Variants in AIF1L observed in about 807,000 individuals in gnomAD.
The protein encoded by AIF1L is allograft inflammatory factor 1 like.
A neutral mutation model predicts 20.7 loss-of-function variants in AIF1L; 12 were observed. The observed-to-expected ratio is 0.58, with a 90% CI of 0.37 to 0.94. AIF1L has a LOEUF of 0.94. AIF1L is among the 40% of genes least tolerant of loss of function. The probability of loss-of-function intolerance (pLI) is 0.01; values close to 1 mark genes in which losing one functional copy is unlikely to be tolerated. For missense variants in AIF1L, 173 were observed against 185.3 expected (o/e 0.93, Z 0.39); for synonymous variants, 76 against 65.1 (o/e 1.17, Z -0.81).
rs746698091 is a variant in AIF1L at position 131,115,449 on chromosome 9, C to CAAAA, written c.202+853_202+856dup. Among the ~76,000 whole-genome samples the CAAAA allele has an allele frequency of 2.2e-3, 132 of 60,300 alleles. 3 individuals carry two copies. The highest frequency in any genetic ancestry group is 6.7e-3 in the African/African-American group (95 of 14,212). 39.6% of individuals were successfully genotyped at this position (60,300 alleles called of 152,430 possible). A position where few individuals can be genotyped will look rare whatever the true frequency, so the allele number is the denominator to read the frequency against. ...TGGGTGACAGAGCGAGATTCTGTCT[C>CAAAA]AAAAAAAAAAAAAAAAAAAAAAAAA... On this transcript the variant is annotated intron_variant, in intron 4 of 5. Transcript: ENST00000247291.
Position 131,120,411 on chromosome 9 carries a change from C to CCTG in AIF1L, c.*89_*90insCTG. ...TTGACACACTGTGATCTCTCTCTCT[C>CCTG]TCATTTGTTTGGTCATTGAGGGTTT... is the stretch of plus-strand genomic sequence containing the variant. On this transcript the variant is annotated 3_prime_UTR_variant, in exon 6 of 6. Coordinates refer to ENST00000247291, the MANE Select transcript of AIF1L (RefSeq NM_031426.4). The CCTG allele has an allele frequency of 9.2e-7, 1 of 1,087,372 alleles. No homozygotes were observed. Among genetic ancestry groups the CCTG allele is most frequent in the Non-Finnish European group, 1.3e-6 (1 of 757,906 alleles). The allele number at this position is 1,087,372 out of a possible 1,614,324, so 67.4% of individuals were successfully genotyped here.
chr9:131,114,468 T>C (rs1378036956), intron 3 of AIF1L, 109 bp from the exon 4 acceptor site: 2 of 1,238,044 alleles, frequency 1.6e-6, no homozygotes, highest in Non-Finnish European at 2.4e-6. Flanking sequence ...GTGCGGGAGG[T>C]GGTTCAGACT....
At position 131,121,072 on chromosome 9, in the gene AIF1L, T is replaced by TG. The variant is rs1396161641; in HGVS notation, c.*750_*751insG. 1.4e-6 allele frequency: 1 copy of TG among 694,548 alleles called. No individual in the cohort carries two copies. Among genetic ancestry groups the TG allele is most frequent in the African/African-American group, 2.0e-5 (1 of 49,512 alleles). The allele number at this position is 694,548 out of a possible 1,614,324, so 43.0% of individuals were successfully genotyped here. A position where few individuals can be genotyped will look rare whatever the true frequency, so the allele number is the denominator to read the frequency against. On this transcript the variant is annotated 3_prime_UTR_variant, in exon 6 of 6. Transcript: ENST00000247291. Reference sequence around the variant, plus strand: ...GGAGGCAGAAGTGAGGCCTGGGGTTTTGGGGGAAAGGTCAGCTCAGTGCTG... The same window carrying TG: ...GGAGGCAGAAGTGAGGCCTGGGGTTTGTGGGGGAAAGGTCAGCTCAGTGCTG...
chr9:131,111,049 G>A lies in AIF1L; in HGVS notation c.94-548G>A, dbSNP rs1196084596. Reference sequence around the variant, plus strand: ...AAATTAGCTGGGCATGGTGGCAGGCGCCTGTAATCCCAGCTACTGGGGAGG... The same window carrying A: ...AAATTAGCTGGGCATGGTGGCAGGCACCTGTAATCCCAGCTACTGGGGAGG... On this transcript the variant is annotated intron_variant, in intron 2 of 5. Coordinates refer to ENST00000247291, the MANE Select transcript of AIF1L (RefSeq NM_031426.4). Among the ~76,000 whole-genome samples, 10 of 151,892 alleles carry A rather than the reference G, an allele frequency of 6.6e-5. No individual in the cohort carries two copies. The South Asian group carries it at 8.3e-4, about 13-fold the overall frequency.
chr9:131,106,350 G>A, intron 2 of AIF1L: 2 of 1,008,716 alleles, frequency 2.0e-6, no homozygotes, highest in East Asian at 5.2e-5. Flanking sequence ...CTACATTCTA[G>A]CCGGGGAGGC....
intron 2 of AIF1L, 60 bp from the exon 3 acceptor site, chr9:131,111,537 C>T: frequency 6.7e-7 from 1 of 1,500,472 alleles, no homozygotes; most frequent in Admixed American, 1.7e-5. Context: ...ACAGTGGGCC[C>T]ATGTGTGGGT....
intron 5 of AIF1L, 98 bp from the exon 6 acceptor site, chr9:131,120,137 C>T: frequency 1.7e-6 from 2 of 1,145,212 alleles, no homozygotes; most frequent in Non-Finnish European, 2.5e-6. Context: ...CTGTTGAGGA[C>T]CCTGCTGACA....
intron 2 of AIF1L, among the ~76,000 whole-genome samples, chr9:131,108,381 G>T (rs1024959749): frequency 6.6e-6 from 1 of 151,904 alleles, no homozygotes; most frequent in Non-Finnish European, 1.5e-5. Flanking sequence ...TGGACTTTTA[G>T]TAGAGACAGG....
At chr9:131,097,461 C>G (rs552526732) in intron 2 of AIF1L, among the ~76,000 whole-genome samples, 8 of 151,834 alleles carry the variant, frequency 5.3e-5, no homozygotes, top group East Asian at 3.9e-4. Context: ...GGCACTTCCC[C>G]GTGGTCTCCA....
intron 1 of AIF1L, 48 bp from the exon 2 acceptor site, chr9:131,096,754 G>A (rs1226809885): frequency 4.0e-6 from 6 of 1,500,448 alleles, no homozygotes; most frequent in Admixed American, 4.6e-5. Flanking sequence ...GGGGGCGCGT[G>A]GCCCGAAGAG....
At chr9:131,117,147 T>G (rs1012637378) in intron 4 of AIF1L, among the ~76,000 whole-genome samples, 2 of 152,152 alleles carry the variant, frequency 1.3e-5, no homozygotes, top group African/African-American at 4.8e-5. Flanking sequence ...GTTCTTTTGT[T>G]GGTTTTCCTG....
intron 5 of AIF1L, among the ~76,000 whole-genome samples, chr9:131,119,862 G>C (rs555990860): frequency 1.6e-4 from 24 of 152,312 alleles, no homozygotes; most frequent in Admixed American, 7.8e-4. Context: ...CAGTGGGCAG[G>C]TTTTTGAAGA....
intron 2 of AIF1L, among the ~76,000 whole-genome samples, chr9:131,109,714 T>G (rs1013120877): frequency 7.9e-5 from 12 of 152,326 alleles, no homozygotes; most frequent in African/African-American, 2.9e-4. Context: ...GATACATAAG[T>G]TACCTGGCAC....
chr9:131,106,666 C>G (rs1484351441), intron 2 of AIF1L, among the ~76,000 whole-genome samples: 1 of 152,134 alleles, frequency 6.6e-6, no homozygotes, highest in East Asian at 1.9e-4. Flanking sequence ...ACCCGTAGTT[C>G]TAGCTGCTCT....
chr9:131,117,135 T>C (rs1831032898), intron 4 of AIF1L, among the ~76,000 whole-genome samples: 2 of 152,112 alleles, frequency 1.3e-5, no homozygotes, highest in South Asian at 4.1e-4. Flanking sequence ...TTCTTGAATT[T>C]TGTTCTTTTG....
chr9:131,103,042 T>C (rs940967377), intron 2 of AIF1L: 4 of 454,628 alleles, frequency 8.8e-6, no homozygotes, highest in African/African-American at 6.0e-5. Flanking sequence ...GTGGGAGGGC[T>C]TCTGAGGACA....
intron 2 of AIF1L, among the ~76,000 whole-genome samples, chr9:131,109,935 C>T (rs923189781): frequency 2.0e-5 from 3 of 152,086 alleles, no homozygotes; most frequent in Non-Finnish European, 2.9e-5. Flanking sequence ...ACTGGCCGGG[C>T]GCCGTGGCTC....
In AIF1L at chr9:131,117,931, T is replaced by A. The variant is rs139271942; in HGVS notation, c.365+13T>A. 2.5e-4 allele frequency: 408 copies of A among 1,600,960 alleles called. 1 individual carries two copies. The South Asian group carries it at 4.0e-3, about 16-fold the overall frequency. ...CTGTCCTCAAGTTGTGAGTACCTCC[T>A]TCCTCCCTTGGGATCTCTGAAGGCA... On this transcript the variant is annotated intron_variant, in intron 5 of 5. Coordinates refer to ENST00000247291, the MANE Select transcript of AIF1L (RefSeq NM_031426.4).
chr9:131,105,560 G>A (rs1305306044), intron 2 of AIF1L, among the ~76,000 whole-genome samples: 2 of 152,014 alleles, frequency 1.3e-5, no homozygotes, highest in Non-Finnish European at 2.9e-5. Flanking sequence ...GGCCAGGCTG[G>A]TCTTGAACTC....
Sources: allele counts gnomAD v4.1 joint callset (sites outside exome capture counted in the v4.1 genomes callset), GRCh38; gene constraint gnomAD v4.1.1; transcripts MANE v1.5; gene names NCBI Gene and HGNC (gene_info 2026-07-23, HGNC 2026-07-21).